WDPCP: variants seen among roughly 807,000 people sequenced by gnomAD.
WDPCP encodes the protein WD repeat-containing and planar cell polarity effector protein fritz homolog.
WDPCP carries 71 observed loss-of-function variants against 93.1 expected under a neutral mutation model. That is an observed-to-expected ratio of 0.76 (90% CI 0.63 to 0.93). WDPCP has a LOEUF of 0.93. WDPCP is among the 40% of genes least tolerant of loss of function. The pLI is 0.00. For missense variants in WDPCP, 844 were observed against 887.4 expected (o/e 0.95, Z 0.62); for synonymous variants, 315 against 315.0 (o/e 1.00, Z 0.00).
At chr2:63,644,243 C>CTTTTT (rs1167296293) in intron 3 of WDPCP, among the ~76,000 whole-genome samples, 2 of 118,488 alleles carry the variant, frequency 1.7e-5, no homozygotes, top group Non-Finnish European at 3.3e-5. Flanking sequence ...TTCTCCTCTA[C>CTTTTT]TTTTTTTTTT....
chr2:63,665,084 C>G (rs1204702613), intron 2 of WDPCP, among the ~76,000 whole-genome samples: 1 of 152,196 alleles, frequency 6.6e-6, no homozygotes, highest in Non-Finnish European at 1.5e-5. Flanking sequence ...AGAGTGCTCT[C>G]TCTATCAGAA....
chr2:63,337,724 G>A (rs887519961), intron 12 of WDPCP, among the ~76,000 whole-genome samples: 10 of 151,950 alleles, frequency 6.6e-5, no homozygotes, highest in African/African-American at 2.4e-4. Flanking sequence ...AGGTAATTGT[G>A]GTTTTGATTT....
intron 1 of WDPCP, among the ~76,000 whole-genome samples, chr2:63,566,713 T>A (rs1206149522): frequency 6.6e-6 from 1 of 152,162 alleles, no homozygotes; most frequent in Admixed American, 6.5e-5. Context: ...CCTGACAATA[T>A]CCAGAATTAG....
intron 12 of WDPCP, among the ~76,000 whole-genome samples, chr2:63,370,553 T>C (rs905918920): frequency 6.6e-6 from 1 of 152,120 alleles, no homozygotes; most frequent in African/African-American, 2.4e-5. Flanking sequence ...AAAATGCATT[T>C]GATAAAAAGG....
intron 13 of WDPCP, among the ~76,000 whole-genome samples, chr2:63,264,526 A>G (rs78299691): frequency 6.6e-6 from 1 of 152,218 alleles, no homozygotes; most frequent in African/African-American, 2.4e-5. Flanking sequence ...TTCATCAAGA[A>G]GTTATAACAA....
chr2:63,320,513 A>T (rs1023079810), intron 12 of WDPCP, among the ~76,000 whole-genome samples: 9 of 152,184 alleles, frequency 5.9e-5, no homozygotes, highest in African/African-American at 2.2e-4. Context: ...AGGTTATACA[A>T]TAGCATAAAG....
intron 14 of WDPCP, among the ~76,000 whole-genome samples, chr2:63,256,061 T>C (rs1277440638): frequency 1.3e-5 from 2 of 152,178 alleles, no homozygotes; most frequent in Admixed American, 1.3e-4. Context: ...ATAGATCATA[T>C]TCATGGATTG....
intron 3 of WDPCP, among the ~76,000 whole-genome samples, chr2:63,614,308 T>A (rs1336724195): frequency 2.0e-5 from 3 of 152,218 alleles, no homozygotes; most frequent in African/African-American, 7.2e-5. Flanking sequence ...TGTATGCCTT[T>A]TTCTCCTGTT....
intron 3 of WDPCP, among the ~76,000 whole-genome samples, chr2:63,595,713 C>T (rs1356044375): frequency 6.6e-6 from 1 of 152,088 alleles, no homozygotes; most frequent in Non-Finnish European, 1.5e-5. Flanking sequence ...CAATCAATGT[C>T]AGGTAAAGGA....
At chr2:63,808,871 G>A (rs956946720) in intron 2 of WDPCP, among the ~76,000 whole-genome samples, 4 of 151,562 alleles carry the variant, frequency 2.6e-5, no homozygotes, top group African/African-American at 7.3e-5. Context: ...GTCTCTGCCC[G>A]GCCGCCATCC....
Position 63,608,766 on chromosome 2 carries a change from C to T in WDPCP, n.488+41893G>A, listed in dbSNP as rs144746041. Among the ~76,000 whole-genome samples the T allele has an allele frequency of 3.9e-5, 6 of 152,196 alleles. No individual in the cohort carries two copies. The East Asian group carries it at 5.8e-4, about 15-fold the overall frequency. On this transcript the variant is annotated intron_variant and non_coding_transcript_variant, in intron 3 of 4. Coordinates refer to the WDPCP transcript ENST00000467687. ...TCAAGGCTGCAGTGAGCTAGGATCACGCCACTGCACTCCAGCCTAGGCAAC... is the reference window on the plus strand; with the variant it reads ...TCAAGGCTGCAGTGAGCTAGGATCATGCCACTGCACTCCAGCCTAGGCAAC...
intron 1 of WDPCP, among the ~76,000 whole-genome samples, chr2:63,498,395 T>G (rs1005149992): frequency 2.6e-5 from 4 of 152,190 alleles, no homozygotes; most frequent in African/African-American, 4.8e-5. Flanking sequence ...AGGACAGAGA[T>G]GTAAGAATTC....
At chr2:63,550,652 T>C (rs566458415) in intron 1 of WDPCP, among the ~76,000 whole-genome samples, 5 of 151,578 alleles carry the variant, frequency 3.3e-5, no homozygotes, top group African/African-American at 1.2e-4. Flanking sequence ...TCAATTTCCA[T>C]CTACAAAATT....
chr2:63,550,711 G>A (rs1015083107), intron 1 of WDPCP, among the ~76,000 whole-genome samples: 11 of 150,796 alleles, frequency 7.3e-5, no homozygotes, highest in African/African-American at 9.8e-5. Context: ...ATACATATAT[G>A]TGTGTATATA....
chr2:63,766,591 C>T (rs2103932126), intron 2 of WDPCP, among the ~76,000 whole-genome samples: 1 of 151,286 alleles, frequency 6.6e-6, no homozygotes, highest in South Asian at 2.1e-4. Flanking sequence ...AAAAAAAAAG[C>T]TTTACTGAAG....
chr2:63,803,123 A>G (rs1670718643), intron 2 of WDPCP, among the ~76,000 whole-genome samples: 1 of 152,188 alleles, frequency 6.6e-6, no homozygotes, highest in Non-Finnish European at 1.5e-5. Context: ...ATTTGTTTTC[A>G]ATCTATAGGT....
At chr2:63,481,207 G>T (rs987430616) in intron 6 of WDPCP, among the ~76,000 whole-genome samples, 1 of 151,926 alleles carries the variant, frequency 6.6e-6, no homozygotes, top group African/African-American at 2.4e-5. Flanking sequence ...CCTTACTCCT[G>T]CAAGAATGGC....
At chr2:63,397,378 C>A (rs1355228836) in intron 10 of WDPCP, among the ~76,000 whole-genome samples, 1 of 152,106 alleles carries the variant, frequency 6.6e-6, no homozygotes, top group Non-Finnish European at 1.5e-5. Flanking sequence ...GACTTCATGT[C>A]TGCACATAAT....
At chr2:63,440,076 A>T (rs957332361) in intron 6 of WDPCP, 4 of 543,154 alleles carry the variant, frequency 7.4e-6, no homozygotes, top group Non-Finnish European at 1.3e-5. Context: ...CAACACAATA[A>T]ATGCATTGAT....
Sources: allele counts gnomAD v4.1 joint callset (sites outside exome capture counted in the v4.1 genomes callset), GRCh38; gene constraint gnomAD v4.1.1; transcripts MANE v1.5; gene names NCBI Gene and HGNC (gene_info 2026-07-23, HGNC 2026-07-21).